The following TNFSF13B variants were observed in gnomAD, a reference collection of about 807,000 sequenced individuals.
TNFSF13B encodes the protein tumor necrosis factor ligand superfamily member 13B.
Under a neutral mutation model 29.1 loss-of-function variants are expected in TNFSF13B, and 8 were observed. The ratio of observed to expected loss-of-function variants is 0.27; its 90% confidence interval spans 0.16 to 0.50. The LOEUF (loss-of-function observed/expected upper bound fraction) is 0.50. Ranked by LOEUF, TNFSF13B falls within the 20% of genes least tolerant of loss-of-function variation. The pLI is 0.98. For missense variants in TNFSF13B, 248 were observed against 334.9 expected, an observed-to-expected ratio of 0.74 and a Z score of 2.03; for synonymous variants, 125 against 130.8, an observed-to-expected ratio of 0.96 and a Z score of 0.30.
At chr13:108,305,960 C>A (rs1470530469) in intron 5 of TNFSF13B, among the ~76,000 whole-genome samples, 1 of 152,116 alleles carries the variant, frequency 6.6e-6, no homozygotes, top group Non-Finnish European at 1.5e-5. Flanking sequence ...AAAATAGCCA[C>A]AAGTATTGAC....
chr13:108,285,213 A>AG (rs66658618), intron 2 of TNFSF13B, among the ~76,000 whole-genome samples: 18 of 492 alleles, frequency 0.037, no homozygotes, highest in African/African-American at 0.069. Context: ...TTAAATACCA[A>AG]GAATTTCTTA....
chr13:108,289,209 A>G (rs141878053), intron 3 of TNFSF13B, among the ~76,000 whole-genome samples: 2 of 151,908 alleles, frequency 1.3e-5, no homozygotes, highest in East Asian at 1.9e-4. Context: ...TGCAGCTGCT[A>G]TACTCCAATG....
At chr13:108,272,218 A>G (rs944308327) in intron 2 of TNFSF13B, among the ~76,000 whole-genome samples, 1 of 152,010 alleles carries the variant, frequency 6.6e-6, no homozygotes, top group Non-Finnish European at 1.5e-5. Context: ...GCTAATTTTT[A>G]TTTATAACTG....
At chr13:108,278,231 A>G (rs1196149433) in intron 2 of TNFSF13B, among the ~76,000 whole-genome samples, 2 of 152,162 alleles carry the variant, frequency 1.3e-5, no homozygotes, top group African/African-American at 4.8e-5. Context: ...CCAGGGTATT[A>G]CGATTAATGC....
chr13:108,284,559 C>T (rs778034273), intron 2 of TNFSF13B, among the ~76,000 whole-genome samples: 2 of 152,136 alleles, frequency 1.3e-5, no homozygotes, highest in Non-Finnish European at 2.9e-5. Flanking sequence ...TACAAATAGT[C>T]AAGATTTATT....
chr13:108,302,232 A>G lies in TNFSF13B; in HGVS notation c.482-1021A>G, dbSNP rs186848278. Among the ~76,000 whole-genome samples, 894 of 152,328 alleles carry G rather than the reference A, an allele frequency of 5.9e-3. 7 individuals carry two copies. Among genetic ancestry groups the G allele is most frequent in the African/African-American group, 0.02 (847 of 41,574 alleles). ...ATCAGGATGAAATTTGGAGACAGGT[A>G]TGGTTCACCATTACCAATTATATAG... On this transcript the variant is annotated intron_variant, in intron 3 of 5. Coordinates refer to ENST00000375887, the MANE Select transcript of TNFSF13B (RefSeq NM_006573.5).
At chr13:108,301,843 G>C (rs1881634080) in intron 3 of TNFSF13B, among the ~76,000 whole-genome samples, 1 of 152,140 alleles carries the variant, frequency 6.6e-6, no homozygotes, top group Non-Finnish European at 1.5e-5. Context: ...TAATTTACTT[G>C]ACTCAGTCAT....
intron 2 of TNFSF13B, among the ~76,000 whole-genome samples, chr13:108,280,044 T>C (rs984603991): frequency 6.7e-6 from 1 of 148,782 alleles, no homozygotes. Context: ...GATTGTAAAC[T>C]CCCTGGGGGC....
At chr13:108,278,591 C>A (rs200395364) in intron 2 of TNFSF13B, among the ~76,000 whole-genome samples, 2 of 200 alleles carry the variant, frequency 0.01, no homozygotes, top group Middle Eastern at 0.5. Context: ...CTCCTCCTCC[C>A]CTTCTCTTCC....
intron 2 of TNFSF13B, among the ~76,000 whole-genome samples, chr13:108,280,733 C>A (rs1376498322): frequency 6.8e-6 from 1 of 148,020 alleles, no homozygotes; most frequent in Non-Finnish European, 1.5e-5. Flanking sequence ...TTTTTTTACT[C>A]TTAGTGCCTA....
chr13:108,293,710 CAT>C (rs1265021346), intron 3 of TNFSF13B, among the ~76,000 whole-genome samples: 1 of 152,158 alleles, frequency 6.6e-6, no homozygotes, highest in Non-Finnish European at 1.5e-5. Context: ...TTTGCTATAA[CAT>C]ATTACACTAG....
intron 3 of TNFSF13B, among the ~76,000 whole-genome samples, chr13:108,302,086 CA>C (rs1881642920): frequency 1.3e-5 from 2 of 152,118 alleles, no homozygotes; most frequent in African/African-American, 4.8e-5. Context: ...CATGAAAACC[CA>C]CAGGAAAAAA....
At chr13:108,282,802 C>T (rs1487608197) in intron 2 of TNFSF13B, among the ~76,000 whole-genome samples, 3 of 151,852 alleles carry the variant, frequency 2.0e-5, no homozygotes, top group Non-Finnish European at 2.9e-5. Context: ...TCCATAGGCT[C>T]GGAAGGGTTT....
chr13:108,306,753 A>G, intron 5 of TNFSF13B, 73 bp from the exon 6 acceptor site: 1 of 911,078 alleles, frequency 1.1e-6, no homozygotes, highest in South Asian at 1.6e-5. Context: ...ACAGAACAAA[A>G]TAGTTTTATT....
chr13:108,290,683 C>T (rs1881280547), intron 3 of TNFSF13B, among the ~76,000 whole-genome samples: 1 of 151,876 alleles, frequency 6.6e-6, no homozygotes, highest in Non-Finnish European at 1.5e-5. Flanking sequence ...ATATCTCAAG[C>T]AGATTAATTC....
In TNFSF13B at chr13:108,303,339, A is replaced by G; in HGVS notation, c.568A>G (p.Thr190Ala). ...AGAGAATAAAATATTGGTCAAAGAA[A>G]CTGGTTACTTTTTTATATATGGTCA... ...EKENKILVKE[T>A]GYFFIYGQVL... The change falls in exon 4 of 6, where the codon ACT (threonine) becomes GCT (alanine). Residue 190 changes from threonine to alanine, a missense_variant. Transcript: ENST00000375887. 1 of 1,613,196 alleles carries G rather than the reference A, an allele frequency of 6.2e-7. No homozygotes were observed. Among genetic ancestry groups the G allele is most frequent in the Non-Finnish European group, 8.5e-7 (1 of 1,179,532 alleles).
intron 2 of TNFSF13B, among the ~76,000 whole-genome samples, chr13:108,284,039 A>T (rs1051971183): frequency 6.6e-6 from 1 of 152,196 alleles, no homozygotes; most frequent in African/African-American, 2.4e-5. Flanking sequence ...GACTTGAAAT[A>T]GGAAGTCATG....
intron 2 of TNFSF13B, among the ~76,000 whole-genome samples, chr13:108,271,125 C>A (rs1880602180): frequency 6.6e-6 from 1 of 151,800 alleles, no homozygotes; most frequent in Non-Finnish European, 1.5e-5. Context: ...TTGGTGGGGC[C>A]TACCAAAATG....
intron 3 of TNFSF13B, among the ~76,000 whole-genome samples, chr13:108,297,769 A>G (rs1881494985): frequency 1.4e-5 from 2 of 145,498 alleles, no homozygotes; most frequent in Admixed American, 1.4e-4. Context: ...AAAATCCCCC[A>G]CCAGAGTGAT....
Sources: allele counts gnomAD v4.1 joint callset (sites outside exome capture counted in the v4.1 genomes callset), GRCh38; gene constraint gnomAD v4.1.1; transcripts MANE v1.5; gene names NCBI Gene and HGNC (gene_info 2026-07-23, HGNC 2026-07-21).